Variants in CYSLTR1 observed in about 807,000 individuals in gnomAD.
The protein encoded by CYSLTR1 is G-protein coupled receptor HG55.
In CYSLTR1, 1 loss-of-function variant was observed where a neutral mutation model predicts 2.1. That is an observed-to-expected ratio of 0.48 (90% CI 0.17 to 2.28). The LOEUF (loss-of-function observed/expected upper bound fraction) is 2.28. Among genes scored for constraint, CYSLTR1 ranks in the 30% most tolerant of loss-of-function variants. CYSLTR1 has a pLI of 0.26. For synonymous variants in CYSLTR1, 110 were observed against 89.6 expected (o/e 1.23, Z -1.28); for missense variants, 299 against 250.1 (o/e 1.20, Z -1.32).
intron 2 of CYSLTR1, among the ~76,000 whole-genome samples, chrX:78,281,831 A>G (rs1232531415): frequency 8.9e-6 from 1 of 111,797 alleles, no homozygotes. Context: ...CTCTCAATCT[A>G]TCTTGCTACA....
intron 1 of CYSLTR1, among the ~76,000 whole-genome samples, chrX:78,313,232 T>A (rs1569552462): frequency 8.9e-6 from 1 of 111,769 alleles, no homozygotes; most frequent in Admixed American, 9.5e-5. Context: ...AACACCACAT[T>A]TCCTTGCTTA....
chrX:78,303,366 AG>A (rs1039222594), intron 1 of CYSLTR1, among the ~76,000 whole-genome samples: 1 of 110,575 alleles, frequency 9.0e-6, no homozygotes, highest in African/African-American at 3.3e-5. Flanking sequence ...AGCATTACAA[AG>A]TTAAAATCAG....
intron 1 of CYSLTR1, among the ~76,000 whole-genome samples, chrX:78,298,557 T>G (rs1386098318): frequency 9.0e-6 from 1 of 111,461 alleles, no homozygotes; most frequent in East Asian, 2.8e-4. Flanking sequence ...GATGCTCCCT[T>G]GTTGGATGCA....
chrX:78,283,378 A>G (rs775836541), intron 2 of CYSLTR1, 76 bp downstream of exon 2: 9 of 112,621 alleles, frequency 8.0e-5, no homozygotes, highest in African/African-American at 2.9e-4. Flanking sequence ...TTTTCATGAG[A>G]ATAATGAAGT....
chrX:78,308,507 A>C (rs2147269533), intron 1 of CYSLTR1, among the ~76,000 whole-genome samples: 1 of 111,371 alleles, frequency 9.0e-6, no homozygotes, highest in South Asian at 3.8e-4. Flanking sequence ...TATATCTAGA[A>C]AGATTTTGGT....
intron 1 of CYSLTR1, among the ~76,000 whole-genome samples, chrX:78,303,576 T>A (rs1380696850): frequency 9.0e-6 from 1 of 111,282 alleles, no homozygotes; most frequent in Non-Finnish European, 1.9e-5. Context: ...CACTAGACTG[T>A]CAAGGCAATG....
chrX:78,296,097 AT>A (rs374162218), intron 1 of CYSLTR1, among the ~76,000 whole-genome samples: 10 of 111,517 alleles, frequency 9.0e-5, no homozygotes, highest in African/African-American at 3.2e-4. Context: ...TGGGGGTCAC[AT>A]TTTATTCTCC....
rs1325848134 is a variant in CYSLTR1, at chrX:78,273,102, G to C, written c.645C>G (p.Thr215=). 1.7e-6 allele frequency: 2 copies of C among 1,206,114 alleles called. No homozygotes were observed. The highest frequency in any genetic ancestry group is 3.5e-5 in the African/African-American group (2 of 56,817). The change falls in exon 3 of 3, where the codon ACC becomes ACG. Residue 215 remains threonine, a synonymous_variant. Coordinates refer to ENST00000373304, the MANE Select transcript of CYSLTR1 (RefSeq NM_006639.4). Reference sequence around the variant, plus strand: ...TTTTTTTCATTGATTTTTTTAGTAAGGTCAAAATGATCATTGTGTAACAGA... The same window carrying C: ...TTTTTTTCATTGATTTTTTTAGTAACGTCAAAATGATCATTGTGTAACAGA... The part of the protein sequence containing the change: ...IIVCYTMIIL[T]LLKKSMKKNL...
chrX:78,326,125 T>A (rs1369112257), intron 1 of CYSLTR1, among the ~76,000 whole-genome samples: 1 of 111,828 alleles, frequency 8.9e-6, no homozygotes, highest in African/African-American at 3.2e-5. Context: ...TGGGGAAAAT[T>A]TTTTTATCAT....
chrX:78,321,721 G>A (rs191194992), intron 1 of CYSLTR1: 1,703 of 108,742 alleles, frequency 0.016, 21 homozygotes, highest in Non-Finnish European at 0.027. Flanking sequence ...AAGTGGTCTG[G>A]TGGGGCTGGA....
At chrX:78,305,526 AT>A (rs11390548) in intron 1 of CYSLTR1, among the ~76,000 whole-genome samples, 3 of 107,924 alleles carry the variant, frequency 2.8e-5, no homozygotes, top group Admixed American at 9.9e-5. Context: ...AAAAAAATTT[AT>A]TTTTTTTCTA....
At chrX:78,309,064 A>G in intron 1 of CYSLTR1, among the ~76,000 whole-genome samples, 1 of 112,004 alleles carries the variant, frequency 8.9e-6, no homozygotes, top group Middle Eastern at 4.6e-3. Flanking sequence ...TGAAAAATTA[A>G]ATGAGATAGG....
intron 1 of CYSLTR1, among the ~76,000 whole-genome samples, chrX:78,289,355 G>T (rs905592350): frequency 1.8e-5 from 2 of 112,053 alleles, no homozygotes; most frequent in East Asian, 2.8e-4. Flanking sequence ...TCTTTATCCA[G>T]TCTATCATTG....
At chrX:78,282,557 C>A (rs1921885794) in intron 2 of CYSLTR1, among the ~76,000 whole-genome samples, 1 of 111,755 alleles carries the variant, frequency 8.9e-6, no homozygotes, top group African/African-American at 3.2e-5. Context: ...AAGTTGCTTC[C>A]TAATATATCA....
chrX:78,299,778 G>A (rs1922735979), intron 1 of CYSLTR1, among the ~76,000 whole-genome samples: 3 of 110,982 alleles, frequency 2.7e-5, no homozygotes, highest in East Asian at 2.8e-4. Flanking sequence ...TCTTCTTTGG[G>A]TTAAATCTGC....
At chrX:78,305,853 T>C (rs552218389) in intron 1 of CYSLTR1, among the ~76,000 whole-genome samples, 1 of 113,148 alleles carries the variant, frequency 8.8e-6, no homozygotes, top group African/African-American at 3.2e-5. Context: ...ATTTTATGCA[T>C]ATACCACCTT....
intron 1 of CYSLTR1, among the ~76,000 whole-genome samples, chrX:78,299,943 G>T (rs1265625841): frequency 1.8e-5 from 2 of 108,973 alleles, no homozygotes; most frequent in African/African-American, 6.8e-5. Flanking sequence ...CCCTTTTGAG[G>T]CTATTTTTTA....
intron 1 of CYSLTR1, among the ~76,000 whole-genome samples, chrX:78,294,940 G>T (rs1922512362): frequency 8.9e-6 from 1 of 112,571 alleles, no homozygotes; most frequent in South Asian, 3.6e-4. Context: ...CACTTCCCAG[G>T]TGAGGTGACA....
chrX:78,303,810 G>T (rs1415777679), intron 1 of CYSLTR1, among the ~76,000 whole-genome samples: 2 of 111,613 alleles, frequency 1.8e-5, no homozygotes, highest in Non-Finnish European at 3.8e-5. Context: ...TTAATTGAGT[G>T]ATCTTGGGCA....
Sources: gnomAD v4.1 joint callset for allele counts (sites outside exome capture counted in the v4.1 genomes callset) on GRCh38, gnomAD v4.1.1 for gene constraint, MANE v1.5 for transcripts, NCBI Gene and HGNC (gene_info 2026-07-23, HGNC 2026-07-21) for gene names.